The following SCARB2 variants were observed in gnomAD, a reference collection of about 807,000 sequenced individuals.
SCARB2 encodes scavenger receptor class B member 2.
In SCARB2, 29 loss-of-function variants were observed where a neutral mutation model predicts 58.6. The ratio of observed to expected loss-of-function variants is 0.49; its 90% CI spans 0.37 to 0.67. The LOEUF is 0.67. SCARB2 is among the 30% of genes least tolerant of loss of function. The probability of loss-of-function intolerance (pLI) is 0.00; values close to 1 mark genes in which losing one functional copy is unlikely to be tolerated. For synonymous variants in SCARB2, 195 were observed against 210.1 expected (o/e 0.93, Z 0.62); for missense variants, 488 against 578.5 (o/e 0.84, Z 1.60).
At chr4:76,212,750 A>C (rs1213414300) in intron 1 of SCARB2, among the ~76,000 whole-genome samples, 1 of 152,232 alleles carries the variant, frequency 6.6e-6, no homozygotes, top group Non-Finnish European at 1.5e-5. Flanking sequence ...AGAGGAAGAG[A>C]CAAGTTCAGA....
intron 1 of SCARB2, among the ~76,000 whole-genome samples, chr4:76,226,985 CATTT>C (rs1486208415): frequency 8.3e-6 from 1 of 120,748 alleles, no homozygotes; most frequent in Admixed American, 9.8e-5. Context: ...AGTTTTTTTT[CATTT>C]GTCTTTCGAA....
At chr4:76,232,322 A>G (rs959882608) in intron 1 of SCARB2, among the ~76,000 whole-genome samples, 5 of 152,266 alleles carry the variant, frequency 3.3e-5, no homozygotes, top group East Asian at 1.9e-4. Context: ...AGTCCTGTAC[A>G]TTTTCCTTTA....
chr4:76,218,241 C>G (rs1733248320), upstream of SCARB2, among the ~76,000 whole-genome samples: 1 of 152,198 alleles, frequency 6.6e-6, no homozygotes, highest in Admixed American at 6.5e-5. Flanking sequence ...CCATCACACC[C>G]TAGTGATTTG....
chr4:76,230,925 C>G (rs1007582863), intron 1 of SCARB2, among the ~76,000 whole-genome samples: 2 of 152,214 alleles, frequency 1.3e-5, no homozygotes, highest in Admixed American at 1.3e-4. Context: ...GAATCAGCCA[C>G]GATCACCTGT....
chr4:76,202,442 G>A (rs1233986731), intron 1 of SCARB2, among the ~76,000 whole-genome samples: 1 of 152,050 alleles, frequency 6.6e-6, no homozygotes, highest in Non-Finnish European at 1.5e-5. Context: ...TGTATTTTTA[G>A]TAGAGAAAGG....
chr4:76,219,081 C>A (rs1441681809), intron 1 of SCARB2, among the ~76,000 whole-genome samples: 1 of 152,166 alleles, frequency 6.6e-6, no homozygotes, highest in African/African-American at 2.4e-5. Flanking sequence ...AGGCTCTTAA[C>A]CCCTTAGCCA....
chr4:76,196,071 C>T (rs1416491091), intron 1 of SCARB2, among the ~76,000 whole-genome samples: 1 of 152,188 alleles, frequency 6.6e-6, no homozygotes, highest in East Asian at 1.9e-4. Context: ...AGAAGGCCTT[C>T]GATAAATATT....
chr4:76,218,170 G>C (rs539434142), upstream of SCARB2, among the ~76,000 whole-genome samples: 1 of 152,282 alleles, frequency 6.6e-6, no homozygotes, highest in East Asian at 1.9e-4. Flanking sequence ...GACAGGTCAG[G>C]CTCCAAGATA....
rs191667385 is a variant in SCARB2, at chr4:76,190,601, T to C, written c.275+5106A>G. 2.9e-3 allele frequency among the ~76,000 whole-genome samples: 438 copies of C among 152,166 alleles called. 3 individuals carry two copies. Among genetic ancestry groups the C allele is most frequent in the East Asian group, 0.016 (84 of 5,134 alleles). Reference sequence around the variant, plus strand: ...GAGTTCGAGACCAGCCTGGTCAACATGGTGAAACCTTGTCTCTACTAAAAA... The same window carrying C: ...GAGTTCGAGACCAGCCTGGTCAACACGGTGAAACCTTGTCTCTACTAAAAA... On this transcript the variant is annotated intron_variant, in intron 2 of 11. Coordinates refer to ENST00000264896, the MANE Select transcript of SCARB2 (RefSeq NM_005506.4).
chr4:76,213,306 G>A, intron 1 of SCARB2, 121 bp downstream of exon 1: 1 of 752,506 alleles, frequency 1.3e-6, no homozygotes, highest in Admixed American at 2.0e-5. Context: ...AGGGACGCAA[G>A]AAGAGCTCTA....
chr4:76,180,004 T>C (rs1732346409), intron 3 of SCARB2: 3 of 416,760 alleles, frequency 7.2e-6, no homozygotes, highest in Non-Finnish European at 1.4e-5. Flanking sequence ...TGGGCATCTT[T>C]GGCCACAAGG....
intron 8 of SCARB2, among the ~76,000 whole-genome samples, chr4:76,168,962 G>C (rs1486958116): frequency 6.6e-6 from 1 of 152,220 alleles, no homozygotes; most frequent in Non-Finnish European, 1.5e-5. Context: ...TGCAGCACTT[G>C]TCATCCTTAG....
At position 76,179,537 on chromosome 4, in the gene SCARB2, AG is replaced by A; in HGVS notation, c.591del (p.Tyr198IlefsTer19). ...LIHVFRPDIS[P>X]YFGLFYEKNG... ...CTTACCTCATAGAATAGGCCAAAATAGGGAGAGATATCGGGCCTGAAAACAT... is the reference window on the plus strand; with the variant it reads ...CTTACCTCATAGAATAGGCCAAAATAGGAGAGATATCGGGCCTGAAAACAT... On this transcript the variant is annotated frameshift_variant, in exon 4 of 12. Coordinates refer to ENST00000264896, the MANE Select transcript of SCARB2 (RefSeq NM_005506.4). LOFTEE classifies it high-confidence loss of function. 6.2e-7 allele frequency: 1 copy of A among 1,614,106 alleles called. No individual in the cohort carries two copies. Among genetic ancestry groups the A allele is most frequent in the Non-Finnish European group, 8.5e-7 (1 of 1,179,930 alleles).
chr4:76,213,104 G>C (rs1165208572), intron 1 of SCARB2: 4 of 372,600 alleles, frequency 1.1e-5, no homozygotes, highest in Non-Finnish European at 2.1e-5. Flanking sequence ...AAGTGGGAAG[G>C]AAACAAGTTT....
chr4:76,215,920 G>A (rs1733198317), upstream of SCARB2, among the ~76,000 whole-genome samples: 1 of 152,216 alleles, frequency 6.6e-6, no homozygotes, highest in South Asian at 2.1e-4. Flanking sequence ...AAGCCACTGA[G>A]TGTTGGTGTG....
chr4:76,167,429 G>A (rs1018793234), intron 9 of SCARB2, among the ~76,000 whole-genome samples: 37 of 152,180 alleles, frequency 2.4e-4, no homozygotes, highest in African/African-American at 7.5e-4. Context: ...GAGTTATCAT[G>A]AGATCTGTTA....
At chr4:76,187,737 G>A (rs552647320) in intron 2 of SCARB2, among the ~76,000 whole-genome samples, 3 of 152,238 alleles carry the variant, frequency 2.0e-5, no homozygotes, top group African/African-American at 7.2e-5. Flanking sequence ...AGACAGTGAA[G>A]CCATGGATTA....
At chr4:76,176,339 CA>C in intron 5 of SCARB2, 97 bp downstream of exon 5, 6 of 797,544 alleles carry the variant, frequency 7.5e-6, no homozygotes, top group African/African-American at 1.7e-5. Flanking sequence ...ATTTTTCATC[CA>C]AAAAAGGCTA....
intron 1 of SCARB2, among the ~76,000 whole-genome samples, chr4:76,222,159 T>A (rs1414911801): frequency 6.6e-6 from 1 of 152,190 alleles, no homozygotes; most frequent in Admixed American, 6.5e-5. Context: ...AAATACTACT[T>A]TTAAATTCAG....
Sources: allele counts gnomAD v4.1 joint callset (sites outside exome capture counted in the v4.1 genomes callset), GRCh38; gene constraint gnomAD v4.1.1; transcripts MANE v1.5; gene names NCBI Gene and HGNC (gene_info 2026-07-23, HGNC 2026-07-21).